Variants in UGDH observed in about 807,000 individuals in gnomAD.
The protein encoded by UGDH is UDP-glucose 6-dehydrogenase.
In UGDH, 38 loss-of-function variants were observed where a neutral mutation model predicts 50.6. The ratio of observed to expected loss-of-function variants is 0.75; its 90% CI spans 0.58 to 0.98. The LOEUF (loss-of-function observed/expected upper bound fraction) is 0.98, where lower values mean the gene tolerates loss of function less well. Among genes scored for constraint, UGDH ranks in the 50% least tolerant of loss-of-function variants. UGDH has a pLI of 0.00. For synonymous variants in UGDH, 168 were observed against 199.9 expected (o/e 0.84, Z 1.35); for missense variants, 465 against 606.2 (o/e 0.77, Z 2.45).
In UGDH at chr4:39,527,321, C is replaced by T; in HGVS notation, c.-46G>A. 3.5e-6 allele frequency: 1 copy of T among 289,506 alleles called. No individual in the cohort carries two copies. Among genetic ancestry groups the T allele is most frequent in the Non-Finnish European group, 7.0e-6 (1 of 142,372 alleles). The allele number at this position is 289,506 out of a possible 1,614,324, so 17.9% of individuals were successfully genotyped here. On this transcript the variant is annotated 5_prime_UTR_variant, in exon 1 of 12. Transcript: ENST00000316423. Reference sequence around the variant, plus strand: ...GCAAGCGCAGGGACCGCTCCTATCCCGATCGTTCGGACAGCACCTTCCTAC... The same window carrying T: ...GCAAGCGCAGGGACCGCTCCTATCCTGATCGTTCGGACAGCACCTTCCTAC...
At chr4:39,510,285 T>A (rs977321473) in intron 5 of UGDH, 68 bp downstream of exon 5, 2 of 1,508,462 alleles carry the variant, frequency 1.3e-6, no homozygotes, top group African/African-American at 2.8e-5. Context: ...ATCTGTGTAG[T>A]TTATCAGGCT....
Position 39,500,018 on chromosome 4 carries a change from ACT to A in UGDH, c.*123_*124del, listed in dbSNP as rs1255172456. 3 of 580,986 alleles carry A rather than the reference ACT, an allele frequency of 5.2e-6. No homozygotes were observed. The highest frequency in any genetic ancestry group is 8.9e-6 in the Non-Finnish European group (3 of 338,128). 36.0% of individuals were successfully genotyped at this position (580,986 alleles called of 1,614,324 possible). On this transcript the variant is annotated 3_prime_UTR_variant, in exon 12 of 12. Transcript: ENST00000316423. ...GCACTCCAGCCTGGGCAACAGTGAG[ACT>A]CTGTCTCAAAAAAAAAACAAAAAAA... is the stretch of plus-strand genomic sequence containing the variant.
intron 2 of UGDH, among the ~76,000 whole-genome samples, chr4:39,515,270 A>G (rs1345032441): frequency 1.3e-5 from 2 of 152,230 alleles, no homozygotes; most frequent in Non-Finnish European, 2.9e-5. Flanking sequence ...ACCATTAACT[A>G]TGAGTATCAA....
At chr4:39,507,074 T>C (rs1313888793) in intron 7 of UGDH, among the ~76,000 whole-genome samples, 2 of 152,194 alleles carry the variant, frequency 1.3e-5, no homozygotes, top group African/African-American at 4.8e-5. Flanking sequence ...TGAAAAATTA[T>C]AAACTCGGGG....
At chr4:39,512,308 A>G (rs987465341) in intron 3 of UGDH, among the ~76,000 whole-genome samples, 9 of 152,240 alleles carry the variant, frequency 5.9e-5, no homozygotes, top group Non-Finnish European at 1.0e-4. Flanking sequence ...AGACTAAATA[A>G]AGGAATCAAG....
chr4:39,526,737 G>A (rs1330172805), intron 1 of UGDH, among the ~76,000 whole-genome samples: 1 of 152,160 alleles, frequency 6.6e-6, no homozygotes, highest in Non-Finnish European at 1.5e-5. Flanking sequence ...CAATTCTGTG[G>A]TGTAGGGGGC....
chr4:39,506,373 C>T (rs1746025940), intron 7 of UGDH, among the ~76,000 whole-genome samples: 1 of 152,130 alleles, frequency 6.6e-6, no homozygotes, highest in Admixed American at 6.6e-5. Flanking sequence ...AGCTATGAGA[C>T]CAACCTAAAT....
chr4:39,500,605 C>T (rs1409324169), intron 11 of UGDH, among the ~76,000 whole-genome samples: 1 of 151,384 alleles, frequency 6.6e-6, no homozygotes, highest in Non-Finnish European at 1.5e-5. Flanking sequence ...ATTCTCATTT[C>T]AATTTCCCTT....
chr4:39,504,094 G>C (rs1240559901), intron 10 of UGDH, 109 bp from the exon 11 acceptor site: 1 of 857,216 alleles, frequency 1.2e-6, no homozygotes, highest in African/African-American at 1.7e-5. Context: ...GGATCACGAG[G>C]TCAGGAGATC....
At chr4:39,501,313 T>C (rs1309354756) in intron 11 of UGDH, among the ~76,000 whole-genome samples, 7 of 147,978 alleles carry the variant, frequency 4.7e-5, no homozygotes, top group Non-Finnish European at 7.4e-5. Context: ...CTCGCTCTGT[T>C]GCCCAGGCTG....
rs756606320 is a variant in UGDH, at chr4:39,500,236, T to C, written c.1392A>G (p.Lys464=). The change falls in exon 12 of 12, where the codon AAA becomes AAG. Residue 464 remains lysine, a synonymous_variant. Transcript: ENST00000316423. ...ATGGAATTCTCTTTGAAGACACCTT[T>C]TTGCCAATTGTTTCAATCTGAAAAA... is the stretch of plus-strand genomic sequence containing the variant. ...TIGFQIETIG[K]KVSSKRIPYA... The C allele has an allele frequency of 6.3e-7, 1 of 1,591,586 alleles. No homozygotes were observed. The highest frequency in any genetic ancestry group is 1.7e-5 in the Admixed American group (1 of 57,734).
intron 1 of UGDH, among the ~76,000 whole-genome samples, chr4:39,525,282 C>T (rs1746828335): frequency 4.6e-5 from 7 of 152,216 alleles, no homozygotes; most frequent in Admixed American, 4.6e-4. Context: ...CAACCTCCGT[C>T]TCCTGGGTTC....
chr4:39,513,050 C>T (rs920663267), intron 3 of UGDH, among the ~76,000 whole-genome samples: 3 of 152,060 alleles, frequency 2.0e-5, no homozygotes, highest in Admixed American at 1.3e-4. Context: ...TCAAGCGATC[C>T]GCCTGCCTTG....
intron 3 of UGDH, among the ~76,000 whole-genome samples, chr4:39,512,819 A>ATT (rs386399849): frequency 0.1 from 14,239 of 135,646 alleles, 1,007 homozygotes; most frequent in East Asian, 0.25. Flanking sequence ...AAGAGACTGA[A>ATT]TTTTTTTTTT....
At chr4:39,523,571 G>A (rs978531460) in intron 1 of UGDH, among the ~76,000 whole-genome samples, 1 of 152,058 alleles carries the variant, frequency 6.6e-6, no homozygotes, top group Non-Finnish European at 1.5e-5. Flanking sequence ...TCGGGAGGCC[G>A]AGGAGGCTGA....
intron 6 of UGDH, among the ~76,000 whole-genome samples, chr4:39,509,305 G>T (rs1327402990): frequency 6.6e-6 from 1 of 151,958 alleles, no homozygotes; most frequent in Non-Finnish European, 1.5e-5. Flanking sequence ...AAACTTTCAT[G>T]GTAAAGGGCC....
chr4:39,521,327 CAA>C, intron 2 of UGDH, 22 bp downstream of exon 2: 1 of 1,562,092 alleles, frequency 6.4e-7, no homozygotes, highest in Non-Finnish European at 8.7e-7. Flanking sequence ...AGCATAAAAA[CAA>C]AGAGATGTTT....
At chr4:39,522,166 C>T (rs1006037690) in intron 1 of UGDH, among the ~76,000 whole-genome samples, 4 of 151,966 alleles carry the variant, frequency 2.6e-5, no homozygotes, top group South Asian at 2.1e-4. Context: ...GATTTTTTTC[C>T]TTCCCAATGC....
chr4:39,518,241 A>G (rs543455269), intron 2 of UGDH, among the ~76,000 whole-genome samples: 1 of 152,160 alleles, frequency 6.6e-6, no homozygotes, highest in African/African-American at 2.4e-5. Flanking sequence ...TCATGCATCC[A>G]TTCTATTGCT....
Sources: allele counts gnomAD v4.1 joint callset (sites outside exome capture counted in the v4.1 genomes callset), GRCh38; gene constraint gnomAD v4.1.1; transcripts MANE v1.5; gene names NCBI Gene and HGNC (gene_info 2026-07-23, HGNC 2026-07-21).